Variants in PPM1E observed in about 807,000 individuals in gnomAD.
PPM1E encodes the protein protein phosphatase, Mg2+/Mn2+ dependent 1E.
In PPM1E, 20 loss-of-function variants were observed where a neutral mutation model predicts 65.9. That is an observed-to-expected ratio of 0.30 (90% CI 0.21 to 0.44). The LOEUF is 0.44. Ranked by LOEUF, PPM1E falls within the 20% of genes least tolerant of loss-of-function variation. PPM1E has a pLI of 1.00. For missense variants in PPM1E, 713 were observed against 953.1 expected, an observed-to-expected ratio of 0.75 and a Z score of 3.32; for synonymous variants, 352 against 374.9, an observed-to-expected ratio of 0.94 and a Z score of 0.70.
At position 58,930,248 on chromosome 17, in the gene PPM1E, T is replaced by TACACACACACACAC. The variant is rs563715161; in HGVS notation, c.465-25400_465-25399insCACACACACACACA. Among the ~76,000 whole-genome samples, 167 of 142,164 alleles carry TACACACACACACAC rather than the reference T, an allele frequency of 1.2e-3. 1 individual carries two copies. The highest frequency in any genetic ancestry group is 4.0e-3 in the African/African-American group (152 of 38,200). The allele number at this position is 142,164 out of a possible 152,430, so 93.3% of individuals were successfully genotyped here. Reference sequence around the variant, plus strand: ...CCACCTCTACAATAAATTAAATGTATATACACACACACACACACACACACA... The same window carrying TACACACACACACAC: ...CCACCTCTACAATAAATTAAATGTATACACACACACACACATACACACACACACACACACACACA... On this transcript the variant is annotated intron_variant, in intron 1 of 6. Coordinates refer to ENST00000308249, the MANE Select transcript of PPM1E (RefSeq NM_014906.5).
At chr17:58,910,362 T>C (rs2051612917) in intron 1 of PPM1E, among the ~76,000 whole-genome samples, 1 of 152,190 alleles carries the variant, frequency 6.6e-6, no homozygotes, top group South Asian at 2.1e-4. Context: ...TCTTTAGATT[T>C]CCACCTCTCT....
chr17:58,832,810 T>TTTGTTTG (rs2050618180), intron 1 of PPM1E, among the ~76,000 whole-genome samples: 1 of 150,674 alleles, frequency 6.6e-6, no homozygotes, highest in Admixed American at 6.6e-5. Flanking sequence ...TTCACCAGGT[T>TTTGTTTG]TTTGTTTGTT....
rs73331028 is a variant in PPM1E at position 58,814,991 on chromosome 17, A to C, written c.464+58530A>C. 8.9e-3 allele frequency among the ~76,000 whole-genome samples: 1,361 copies of C among 152,314 alleles called. 24 individuals carry two copies. Among genetic ancestry groups the C allele is most frequent in the African/African-American group, 0.03 (1,256 of 41,564 alleles). On this transcript the variant is annotated intron_variant, in intron 1 of 6. Transcript: ENST00000308249. Reference sequence around the variant, plus strand: ...CACAGAAATATTTCTAGCTTAGTACATGTGAATCCTCAACGATAAAAGTCT... The same window carrying C: ...CACAGAAATATTTCTAGCTTAGTACCTGTGAATCCTCAACGATAAAAGTCT...
chr17:58,928,951 G>T (rs1316435345), intron 1 of PPM1E, among the ~76,000 whole-genome samples: 1 of 151,928 alleles, frequency 6.6e-6, no homozygotes, highest in African/African-American at 2.4e-5. Flanking sequence ...TGATCCACCC[G>T]CCTCGGCCTC....
At chr17:58,909,769 T>A (rs1380631144) in intron 1 of PPM1E, among the ~76,000 whole-genome samples, 1 of 152,088 alleles carries the variant, frequency 6.6e-6, no homozygotes, top group African/African-American at 2.4e-5. Context: ...TAAAATGATA[T>A]TCCTAGGTAC....
chr17:58,814,425 G>A (rs1053159019), intron 1 of PPM1E, among the ~76,000 whole-genome samples: 4 of 152,196 alleles, frequency 2.6e-5, no homozygotes, highest in African/African-American at 9.7e-5. Context: ...AGGGAGCTAT[G>A]TATTACTACC....
chr17:58,882,951 C>CTTTTTTTTTTTTTTTTT (rs549698099), intron 1 of PPM1E, among the ~76,000 whole-genome samples: 5 of 98,832 alleles, frequency 5.1e-5, no homozygotes, highest in African/African-American at 7.7e-5. Flanking sequence ...TTATTACTTT[C>CTTTTTTTTTTTTTTTTT]TTTTTTTTTT....
At chr17:58,847,906 T>C (rs1567852449) in intron 1 of PPM1E, among the ~76,000 whole-genome samples, 1 of 152,238 alleles carries the variant, frequency 6.6e-6, no homozygotes, top group South Asian at 2.1e-4. Context: ...TCCATGAGCA[T>C]GGAATGTTCT....
intron 1 of PPM1E, among the ~76,000 whole-genome samples, chr17:58,874,066 G>GA (rs971794330): frequency 3.3e-5 from 5 of 152,058 alleles, no homozygotes; most frequent in Non-Finnish European, 5.9e-5. Flanking sequence ...GTTTTATAGT[G>GA]AAAAAAATAC....
At chr17:58,921,894 G>A (rs1315160154) in intron 1 of PPM1E, among the ~76,000 whole-genome samples, 1 of 151,760 alleles carries the variant, frequency 6.6e-6, no homozygotes, top group Non-Finnish European at 1.5e-5. Context: ...TAAAAAATTA[G>A]CCGGGTGTGG....
chr17:58,967,416 G>A (rs2030319746), intron 3 of PPM1E, among the ~76,000 whole-genome samples: 1 of 151,808 alleles, frequency 6.6e-6, no homozygotes, highest in Non-Finnish European at 1.5e-5. Context: ...ATCTTAGTGC[G>A]ATGAGGAAAT....
intron 1 of PPM1E, among the ~76,000 whole-genome samples, chr17:58,913,377 G>A (rs1335485833): frequency 6.6e-6 from 1 of 152,082 alleles, no homozygotes; most frequent in African/African-American, 2.4e-5. Flanking sequence ...CTAGGCTTGA[G>A]CAGACTTAAA....
intron 1 of PPM1E, among the ~76,000 whole-genome samples, chr17:58,886,281 A>T (rs2051264609): frequency 6.6e-6 from 1 of 152,220 alleles, no homozygotes; most frequent in Admixed American, 6.5e-5. Flanking sequence ...ATGTTATTTT[A>T]AAATATTATT....
At chr17:58,977,343 T>C (rs146260663) in intron 6 of PPM1E, among the ~76,000 whole-genome samples, 3,306 of 150,902 alleles carry the variant, frequency 0.022, 115 homozygotes, top group African/African-American at 0.076. Context: ...CTTGGGAGGC[T>C]GAGGCAGGAG....
chr17:58,778,519 C>T (rs183576820), intron 1 of PPM1E, among the ~76,000 whole-genome samples: 1 of 149,486 alleles, frequency 6.7e-6, no homozygotes, highest in African/African-American at 2.5e-5. Flanking sequence ...AAGCAGTTCT[C>T]GTGCCTCAGC....
Position 58,940,600 on chromosome 17 carries a change from A to C in PPM1E, c.465-15049A>C, listed in dbSNP as rs530327473. 3.9e-5 allele frequency among the ~76,000 whole-genome samples: 6 copies of C among 152,338 alleles called. No individual in the cohort carries two copies. In the East Asian group the frequency reaches 1.2e-3, roughly 29 times the overall value. ...ATTCTCTAAAGTTTTCATTTCTTAC[A>C]TTTGTTGAACCTACATCCAGATAGT... is the stretch of plus-strand genomic sequence containing the variant. On this transcript the variant is annotated intron_variant, in intron 1 of 6. Coordinates refer to ENST00000308249, the MANE Select transcript of PPM1E (RefSeq NM_014906.5).
chr17:58,969,327 C>A, intron 3 of PPM1E: 1 of 661,538 alleles, frequency 1.5e-6, no homozygotes, highest in Non-Finnish European at 2.8e-6. Flanking sequence ...TGACATGTTC[C>A]AGTGTTCTGG....
At chr17:58,803,488 G>A (rs2050277870) in intron 1 of PPM1E, among the ~76,000 whole-genome samples, 1 of 152,106 alleles carries the variant, frequency 6.6e-6, no homozygotes, top group South Asian at 2.1e-4. Flanking sequence ...CTGAAATTTT[G>A]TTGAGGGTTT....
At chr17:58,938,770 A>G (rs1446290079) in intron 1 of PPM1E, among the ~76,000 whole-genome samples, 1 of 149,632 alleles carries the variant, frequency 6.7e-6, no homozygotes, top group African/African-American at 2.5e-5. Context: ...TAGGCTGTCT[A>G]TGCTGATACA....
Sources: allele counts gnomAD v4.1 joint callset (sites outside exome capture counted in the v4.1 genomes callset), GRCh38; gene constraint gnomAD v4.1.1; transcripts MANE v1.5; gene names NCBI Gene and HGNC (gene_info 2026-07-23, HGNC 2026-07-21).